Variants in RNF2 observed in about 807,000 individuals in gnomAD.
RNF2 encodes ring finger protein 2, also known as E3 ubiquitin-protein ligase RING2.
RNF2 carries 6 observed loss-of-function variants against 37.2 expected under a neutral mutation model. The observed-to-expected ratio is 0.16, with a 90% CI of 0.09 to 0.32. The LOEUF (loss-of-function observed/expected upper bound fraction) is 0.32, where lower values mean the gene tolerates loss of function less well. RNF2 is among the 10% of genes least tolerant of loss of function. The pLI is 1.00. For synonymous variants in RNF2, 133 were observed against 132.7 expected (o/e 1.00, Z -0.02); for missense variants, 251 against 404.0 (o/e 0.62, Z 3.25).
chr1:185,078,558 C>A (rs1393713004), intron 1 of RNF2, among the ~76,000 whole-genome samples: 1 of 152,148 alleles, frequency 6.6e-6, no homozygotes, highest in Non-Finnish European at 1.5e-5. Flanking sequence ...AGCAGTAATT[C>A]TTTCTGAGTG....
chr1:185,078,617 G>A (rs1203759391), intron 1 of RNF2, among the ~76,000 whole-genome samples: 3 of 152,118 alleles, frequency 2.0e-5, no homozygotes, highest in Non-Finnish European at 4.4e-5. Flanking sequence ...CTGGCGCAGT[G>A]GCTCACTCCT....
At chr1:185,065,940 TC>T (rs1452985664) in intron 1 of RNF2, among the ~76,000 whole-genome samples, 6 of 149,036 alleles carry the variant, frequency 4.0e-5, no homozygotes, top group African/African-American at 1.3e-4. Flanking sequence ...AATACTACTT[TC>T]TGCTATACTG....
At chr1:185,082,343 A>G (rs1355850044) in intron 1 of RNF2, among the ~76,000 whole-genome samples, 1 of 56,698 alleles carries the variant, frequency 1.8e-5, no homozygotes, top group Non-Finnish European at 3.5e-5. Context: ...TCCTCTGCAG[A>G]ACTTTTTTTT....
intron 1 of RNF2, among the ~76,000 whole-genome samples, chr1:185,076,834 C>A (rs1292175514): frequency 6.6e-6 from 1 of 151,904 alleles, no homozygotes; most frequent in Non-Finnish European, 1.5e-5. Flanking sequence ...TAAACTCTCT[C>A]CTGTTTTTCT....
At chr1:185,076,261 A>C in intron 1 of RNF2, among the ~76,000 whole-genome samples, 1 of 23,336 alleles carries the variant, frequency 4.3e-5, no homozygotes, top group Non-Finnish European at 1.0e-4. Context: ...TAGATCTTTT[A>C]TGGGTTGTTT....
chr1:185,053,614 A>G (rs146519072), intron 1 of RNF2, among the ~76,000 whole-genome samples: 8 of 152,112 alleles, frequency 5.3e-5, no homozygotes, highest in African/African-American at 1.7e-4. Flanking sequence ...TGGCCTCTCA[A>G]AGTGCTGGGA....
chr1:185,062,416 AT>A (rs1650634197), intron 1 of RNF2, among the ~76,000 whole-genome samples: 1 of 152,046 alleles, frequency 6.6e-6, no homozygotes, highest in Non-Finnish European at 1.5e-5. Context: ...CTCTTTTCCC[AT>A]CTTTGTCATG....
chr1:185,061,318 G>A (rs1179262327), intron 1 of RNF2, among the ~76,000 whole-genome samples: 4 of 151,512 alleles, frequency 2.6e-5, no homozygotes, highest in Middle Eastern at 3.4e-3. Context: ...TAGTAGAGAC[G>A]GGGTTTCACC....
intron 1 of RNF2, among the ~76,000 whole-genome samples, chr1:185,084,769 A>C (rs775844225): frequency 2.4e-4 from 37 of 152,222 alleles, no homozygotes; most frequent in Non-Finnish European, 4.4e-4. Context: ...TGCATATAGC[A>C]GGAATTCTAC....
At chr1:185,059,245 C>T (rs1005886926) in intron 1 of RNF2, among the ~76,000 whole-genome samples, 32 of 151,730 alleles carry the variant, frequency 2.1e-4, no homozygotes, top group Non-Finnish European at 3.8e-4. Context: ...AAAAAACCTC[C>T]GTAATAGTTT....
Position 185,080,867 on chromosome 1 carries a change from A to G in RNF2, c.-2-6685A>G, listed in dbSNP as rs145794257. On this transcript the variant is annotated intron_variant, in intron 1 of 6. Coordinates refer to ENST00000367510, the MANE Select transcript of RNF2 (RefSeq NM_007212.4). ...AATGTTTTATTTGATAGTTCCTATT[A>G]ATTTTCCAGGGTAGCGTTCAGTAGG... 5.9e-3 allele frequency among the ~76,000 whole-genome samples: 893 copies of G among 152,292 alleles called. 6 individuals carry two copies. The highest frequency in any genetic ancestry group is 0.019 in the African/African-American group (802 of 41,552).
At chr1:185,097,762 C>A (rs1246961379) in intron 4 of RNF2, among the ~76,000 whole-genome samples, 1 of 152,202 alleles carries the variant, frequency 6.6e-6, no homozygotes, top group East Asian at 1.9e-4. Flanking sequence ...GTCTCAAATT[C>A]CTGGCCTCAA....
At chr1:185,077,621 C>CTTTGTTTTTTTTT (rs1165272652) in intron 1 of RNF2, among the ~76,000 whole-genome samples, 19 of 111,598 alleles carry the variant, frequency 1.7e-4, no homozygotes, top group African/African-American at 7.1e-4. Context: ...TAGGAATTAA[C>CTTTGTTTTTTTTT]TTTGTTTTTT....
intron 1 of RNF2, among the ~76,000 whole-genome samples, chr1:185,082,785 C>G (rs1557970227): frequency 1.3e-5 from 2 of 152,164 alleles, no homozygotes; most frequent in South Asian, 2.1e-4. Context: ...AAGAAAATCA[C>G]TCAAATTTGT....
chr1:185,053,700 C>T (rs537216517), intron 1 of RNF2, among the ~76,000 whole-genome samples: 8 of 152,162 alleles, frequency 5.3e-5, no homozygotes, highest in South Asian at 2.1e-4. Context: ...TACTAGAAGG[C>T]AGGGATTTTA....
intron 1 of RNF2, chr1:185,046,377 C>G (rs1402963974): frequency 1.3e-5 from 2 of 152,174 alleles, no homozygotes; most frequent in African/African-American, 2.4e-5. Flanking sequence ...TGAACCGTGT[C>G]GTTTACGCTG....
rs1651528673 is a variant in RNF2, at chr1:185,084,658, T to G, written c.-2-2894T>G. On this transcript the variant is annotated intron_variant, in intron 1 of 6. Transcript: ENST00000367510. ...CTTCTCTTAGCTGTATTATCTTTGA[T>G]GTGCCCCACATTCTTCATAATAGCT... Among the ~76,000 whole-genome samples, 4 of 152,336 alleles carry G rather than the reference T, an allele frequency of 2.6e-5. No individual in the cohort carries two copies. The South Asian group carries it at 8.3e-4, about 32-fold the overall frequency.
intron 1 of RNF2, among the ~76,000 whole-genome samples, chr1:185,081,395 A>G (rs1256406847): frequency 2.8e-5 from 4 of 145,236 alleles, no homozygotes; most frequent in Admixed American, 6.9e-5. Flanking sequence ...AATTCCATCA[A>G]TTTTTTTTTT....
At chr1:185,051,432 C>CTGTAA (rs1472033385) in intron 1 of RNF2, among the ~76,000 whole-genome samples, 1 of 152,158 alleles carries the variant, frequency 6.6e-6, no homozygotes, top group Non-Finnish European at 1.5e-5. Context: ...ATGCCAGCCT[C>CTGTAA]ACTGACTTTA....
Sources: allele counts gnomAD v4.1 joint callset (sites outside exome capture counted in the v4.1 genomes callset), GRCh38; gene constraint gnomAD v4.1.1; transcripts MANE v1.5; gene names NCBI Gene and HGNC (gene_info 2026-07-23, HGNC 2026-07-21).